The following ANAPC10 variants were observed in gnomAD, a reference collection of about 807,000 sequenced individuals.
ANAPC10 encodes the protein anaphase-promoting complex subunit 10.
ANAPC10 carries 12 observed loss-of-function variants against 22.0 expected under a neutral mutation model. The ratio of observed to expected loss-of-function variants is 0.55; its 90% confidence interval spans 0.35 to 0.88. The LOEUF (loss-of-function observed/expected upper bound fraction) is 0.88. Among genes scored for constraint, ANAPC10 ranks in the 40% least tolerant of loss-of-function variants. The pLI is 0.01. For synonymous variants in ANAPC10, 65 were observed against 69.5 expected (o/e 0.94, Z 0.32); for missense variants, 188 against 220.9 (o/e 0.85, Z 0.94).
intron 2 of ANAPC10, among the ~76,000 whole-genome samples, chr4:145,084,339 A>G (rs914944599): frequency 1.3e-5 from 2 of 152,242 alleles, no homozygotes; most frequent in African/African-American, 4.8e-5. Context: ...GGCATTCAGC[A>G]AAGAGATAAG....
intron 4 of ANAPC10, among the ~76,000 whole-genome samples, chr4:145,047,365 T>C (rs1294549829): frequency 6.6e-6 from 1 of 152,214 alleles, no homozygotes; most frequent in Non-Finnish European, 1.5e-5. Flanking sequence ...AAGCCAAGGT[T>C]AGAGAACTCT....
intron 3 of ANAPC10, among the ~76,000 whole-genome samples, chr4:145,075,522 A>T (rs1745066408): frequency 6.6e-6 from 1 of 151,916 alleles, no homozygotes; most frequent in Non-Finnish European, 1.5e-5. Flanking sequence ...CTTTAAGCAG[A>T]CTGTCAGAAG....
chr4:145,017,722 A>T (rs1391384804), intron 4 of ANAPC10, among the ~76,000 whole-genome samples: 1 of 152,038 alleles, frequency 6.6e-6, no homozygotes, highest in Admixed American at 6.6e-5. Flanking sequence ...AACCAACCCA[A>T]ATTGTCCAAT....
chr4:145,030,933 T>C (rs1402200215), intron 4 of ANAPC10, among the ~76,000 whole-genome samples: 4 of 152,148 alleles, frequency 2.6e-5, no homozygotes, highest in Non-Finnish European at 5.9e-5. Context: ...CTGGAGAAAG[T>C]GGATTATCGT....
chr4:145,040,451 T>TGTA (rs1739347245), intron 4 of ANAPC10, among the ~76,000 whole-genome samples: 1 of 152,214 alleles, frequency 6.6e-6, no homozygotes, highest in South Asian at 2.1e-4. Context: ...CCCAGCCTAT[T>TGTA]GTATGCTTTT....
intron 4 of ANAPC10, among the ~76,000 whole-genome samples, chr4:144,997,705 G>A (rs1458685971): frequency 3.9e-5 from 6 of 152,126 alleles, no homozygotes; most frequent in Admixed American, 3.9e-4. Context: ...ACATCACAAT[G>A]ACAGGAACAA....
chr4:144,997,285 G>C (rs1371869271), intron 4 of ANAPC10, among the ~76,000 whole-genome samples: 3 of 152,156 alleles, frequency 2.0e-5, no homozygotes. Context: ...ATACATACTT[G>C]TCAGATTCAC....
rs141793396 is a variant in ANAPC10 at position 145,015,704 on chromosome 4, C to T, written c.328-20101G>A. On this transcript the variant is annotated intron_variant, in intron 4 of 4. Transcript: ENST00000507656. ...CTGTGAGACAAAAGTACCAGGTAACCTATAAAGGTAAACCTATTAGATTAA... is the reference window on the plus strand; with the variant it reads ...CTGTGAGACAAAAGTACCAGGTAACTTATAAAGGTAAACCTATTAGATTAA... 4.2e-3 allele frequency among the ~76,000 whole-genome samples: 643 copies of T among 152,158 alleles called. 9 individuals carry two copies. The highest frequency in any genetic ancestry group is 0.015 in the African/African-American group (608 of 41,490).
At chr4:145,062,751 G>A (rs1743089349) in intron 4 of ANAPC10, among the ~76,000 whole-genome samples, 1 of 152,116 alleles carries the variant, frequency 6.6e-6, no homozygotes, top group South Asian at 2.1e-4. Context: ...CAATAGCTAA[G>A]ATATAGAATC....
chr4:145,006,473 GT>G (rs1303190993), intron 4 of ANAPC10, among the ~76,000 whole-genome samples: 1 of 152,084 alleles, frequency 6.6e-6, no homozygotes, highest in Non-Finnish European at 1.5e-5. Flanking sequence ...ATGTAGGGCA[GT>G]AGAAAGAACA....
At chr4:145,016,005 C>A (rs1200160768) in intron 4 of ANAPC10, among the ~76,000 whole-genome samples, 1 of 152,096 alleles carries the variant, frequency 6.6e-6, no homozygotes, top group Non-Finnish European at 1.5e-5. Context: ...AATCTCACAG[C>A]CAATATCATA....
chr4:145,086,233 G>C (rs1036015431), intron 2 of ANAPC10, among the ~76,000 whole-genome samples: 4 of 152,122 alleles, frequency 2.6e-5, no homozygotes, highest in Non-Finnish European at 5.9e-5. Context: ...AAAGTGCTTA[G>C]ATTACTGGCA....
intron 4 of ANAPC10, among the ~76,000 whole-genome samples, chr4:145,028,512 A>T (rs1434050445): frequency 2.0e-5 from 3 of 152,164 alleles, no homozygotes; most frequent in Admixed American, 6.6e-5. Context: ...CTCAAAAAGA[A>T]CCATGACTAA....
At chr4:145,028,979 T>C (rs1159467797) in intron 4 of ANAPC10, among the ~76,000 whole-genome samples, 2 of 152,050 alleles carry the variant, frequency 1.3e-5, no homozygotes, top group Admixed American at 6.6e-5. Flanking sequence ...GCTGAAATTG[T>C]GGAAAAACAG....
At chr4:145,007,519 A>C (rs906983075) in intron 4 of ANAPC10, among the ~76,000 whole-genome samples, 8 of 152,180 alleles carry the variant, frequency 5.3e-5, no homozygotes, top group Non-Finnish European at 1.2e-4. Context: ...CAGGATTAAG[A>C]AACTCACTCA....
intron 4 of ANAPC10, among the ~76,000 whole-genome samples, chr4:145,047,530 C>T (rs1198278201): frequency 6.6e-6 from 1 of 152,080 alleles, no homozygotes; most frequent in Non-Finnish European, 1.5e-5. Flanking sequence ...ATTTGAATTC[C>T]ATATCTGCCT....
At chr4:145,050,683 C>T (rs1169803895) in intron 4 of ANAPC10, among the ~76,000 whole-genome samples, 1 of 152,228 alleles carries the variant, frequency 6.6e-6, no homozygotes, top group Non-Finnish European at 1.5e-5. Flanking sequence ...GCTGCTTCAC[C>T]TGGCTCTTTT....
chr4:145,019,601 C>T (rs939681821), intron 4 of ANAPC10, among the ~76,000 whole-genome samples: 4 of 151,938 alleles, frequency 2.6e-5, no homozygotes, highest in African/African-American at 4.8e-5. Context: ...AAGATCAGAG[C>T]ATAACTAAAT....
intron 3 of ANAPC10, among the ~76,000 whole-genome samples, chr4:145,071,547 T>C (rs1437097416): frequency 6.6e-6 from 1 of 152,126 alleles, no homozygotes; most frequent in Non-Finnish European, 1.5e-5. Context: ...TTATTCACCA[T>C]CTCAACAGAA....
Sources: allele counts gnomAD v4.1 joint callset (sites outside exome capture counted in the v4.1 genomes callset), GRCh38; gene constraint gnomAD v4.1.1; transcripts MANE v1.5; gene names NCBI Gene and HGNC (gene_info 2026-07-23, HGNC 2026-07-21).